The following SRPX2 variants were observed in gnomAD, a reference collection of about 807,000 sequenced individuals.
The protein encoded by SRPX2 is sushi repeat-containing protein SRPX2.
In SRPX2, 26 loss-of-function variants were observed where a neutral mutation model predicts 45.3. The ratio of observed to expected loss-of-function variants is 0.57; its 90% CI spans 0.42 to 0.80. The LOEUF is 0.80. Among genes scored for constraint, SRPX2 ranks in the 30% least tolerant of loss-of-function variants. The pLI is 0.00. For missense variants in SRPX2, 355 were observed against 399.8 expected, an observed-to-expected ratio of 0.89 and a Z score of 0.95; for synonymous variants, 125 against 143.7, an observed-to-expected ratio of 0.87 and a Z score of 0.93.
In SRPX2 at chrX:100,673,475, C is replaced by T. The variant is rs924199126; in HGVS notation, c.*2488C>T. The stretch of plus-strand genomic sequence containing the variant: ...CCAGACCCAAAGGGGCTAGCCCGAC[C>T]CCTGTATATATTGTACCTCTCTCTC... On this transcript the variant is annotated 3_prime_UTR_variant, in exon 11 of 11. Coordinates refer to ENST00000373004, the MANE Select transcript of SRPX2 (RefSeq NM_014467.3). 1.5e-4 allele frequency: 16 copies of T among 110,289 alleles called. No individual in the cohort carries two copies. The highest frequency in any genetic ancestry group is 5.3e-4 in the African/African-American group (16 of 30,238). The allele number at this position is 110,289 out of a possible 1,213,427, so 9.1% of individuals were successfully genotyped here.
At chrX:100,658,281 T>G (rs2083176986) in intron 3 of SRPX2, among the ~76,000 whole-genome samples, 1 of 112,022 alleles carries the variant, frequency 8.9e-6, no homozygotes, top group Non-Finnish European at 1.9e-5. Context: ...CTTGAGTAAA[T>G]TTTTGGATAT....
At chrX:100,653,103 G>A (rs2083158688) in intron 3 of SRPX2, among the ~76,000 whole-genome samples, 1 of 111,133 alleles carries the variant, frequency 9.0e-6, no homozygotes, top group African/African-American at 3.3e-5. Flanking sequence ...GAAAGGAGGT[G>A]GACTCTCTGG....
In SRPX2 at chrX:100,675,221, T is replaced by C. The variant is rs1296847624; in HGVS notation, c.*4234T>C. ...AAAATGCAGAAAATTCAGCATGGGC[T>C]GTGAGACACTTTACCCTCAGTCACT... On this transcript the variant is annotated 3_prime_UTR_variant, in exon 11 of 11. Transcript: ENST00000373004. 8.9e-6 allele frequency: 1 copy of C among 112,941 alleles called. No individual in the cohort carries two copies. The highest frequency in any genetic ancestry group is 1.9e-5 in the Non-Finnish European group (1 of 53,350). 9.3% of individuals were successfully genotyped at this position (112,941 alleles called of 1,213,427 possible).
At chrX:100,645,069 C>T (rs1177797285) in intron 1 of SRPX2, among the ~76,000 whole-genome samples, 1 of 111,880 alleles carries the variant, frequency 8.9e-6, no homozygotes, top group Non-Finnish European at 1.9e-5. Flanking sequence ...TCCTGCTTCC[C>T]TGTCACTTTC....
chrX:100,669,767 A>AT (rs1444277211), intron 10 of SRPX2, among the ~76,000 whole-genome samples: 1 of 18,389 alleles, frequency 5.4e-5, no homozygotes, highest in African/African-American at 1.2e-4. Flanking sequence ...AGCAAAAGCC[A>AT]TCTTTTTTTT....
intron 3 of SRPX2, among the ~76,000 whole-genome samples, chrX:100,653,182 T>C (rs1448318250): frequency 7.2e-5 from 8 of 111,549 alleles, no homozygotes; most frequent in South Asian, 3.9e-4. Context: ...CCTGAGCTGG[T>C]GGACTACATC....
intron 9 of SRPX2, 83 bp from the exon 10 acceptor site, chrX:100,669,165 T>C (rs1488782472): frequency 8.5e-7 from 1 of 1,175,576 alleles, no homozygotes; most frequent in Non-Finnish European, 1.2e-6. Flanking sequence ...CACTGCTTCA[T>C]ATGGTCCCAG....
intron 3 of SRPX2, among the ~76,000 whole-genome samples, chrX:100,656,782 G>A (rs1253973793): frequency 1.8e-5 from 2 of 111,926 alleles, no homozygotes; most frequent in South Asian, 3.7e-4. Context: ...ATAAACACAC[G>A]AATGCAGATC....
Position 100,671,581 on chromosome X carries a change from G to T in SRPX2, c.*594G>T. On this transcript the variant is annotated 3_prime_UTR_variant, in exon 11 of 11. Transcript: ENST00000373004. ...AGCCTCCCGAGAAGCTGGGACTACAGGCGCCCACCACCACACCCGGCTAAC... is the reference window on the plus strand; with the variant it reads ...AGCCTCCCGAGAAGCTGGGACTACATGCGCCCACCACCACACCCGGCTAAC... The T allele has an allele frequency of 8.5e-6, 1 of 117,626 alleles. No individual in the cohort carries two copies. The highest frequency in any genetic ancestry group is 2.6e-4 in the East Asian group (1 of 3,900). 9.7% of individuals were successfully genotyped at this position (117,626 alleles called of 1,213,427 possible). A position where few individuals can be genotyped will look rare whatever the true frequency, so the allele number is the denominator to read the frequency against.
chrX:100,653,078 C>T (rs1036572582), intron 3 of SRPX2, among the ~76,000 whole-genome samples: 3 of 111,055 alleles, frequency 2.7e-5, no homozygotes, highest in East Asian at 5.7e-4. Context: ...CAATTCTGGT[C>T]AGAGCTGAAA....
chrX:100,669,881 T>C (rs766895730), intron 10 of SRPX2, among the ~76,000 whole-genome samples: 10 of 106,822 alleles, frequency 9.4e-5, no homozygotes, highest in Non-Finnish European at 1.7e-4. Flanking sequence ...CAAGTGATTC[T>C]CCTGCCTCAG....
intron 2 of SRPX2, 33 bp downstream of exon 2, chrX:100,646,437 A>G: frequency 2.6e-6 from 3 of 1,141,966 alleles, no homozygotes; most frequent in Non-Finnish European, 3.6e-6. Context: ...TATTATTTCC[A>G]GGAAGGATAG....
At position 100,673,446 on chromosome X, in the gene SRPX2, A is replaced by C. The variant is rs2083237635; in HGVS notation, c.*2459A>C. Reference sequence around the variant, plus strand: ...GAGAGACAGCAGCAGAATATGACCCACAGCCAGACCCAAAGGGGCTAGCCC... The same window carrying C: ...GAGAGACAGCAGCAGAATATGACCCCCAGCCAGACCCAAAGGGGCTAGCCC... On this transcript the variant is annotated 3_prime_UTR_variant, in exon 11 of 11. Coordinates refer to ENST00000373004, the MANE Select transcript of SRPX2 (RefSeq NM_014467.3). 9.0e-6 allele frequency: 1 copy of C among 111,133 alleles called. No homozygotes were observed. The highest frequency in any genetic ancestry group is 9.6e-5 in the Admixed American group (1 of 10,453). The allele number at this position is 111,133 out of a possible 1,213,427, so 9.2% of individuals were successfully genotyped here. A position where few individuals can be genotyped will look rare whatever the true frequency, so the allele number is the denominator to read the frequency against.
intron 3 of SRPX2, among the ~76,000 whole-genome samples, chrX:100,655,107 C>T (rs974196479): frequency 2.7e-5 from 3 of 112,271 alleles, no homozygotes; most frequent in African/African-American, 9.7e-5. Context: ...TTCAAACCTC[C>T]GCTTCTCCCC....
intron 3 of SRPX2, 91 bp downstream of exon 3, chrX:100,650,956 A>C (rs2083151224): frequency 7.0e-6 from 5 of 715,548 alleles, no homozygotes; most frequent in Admixed American, 5.0e-5. Context: ...GGCTTGGCTC[A>C]CATGTGTCAA....
At chrX:100,649,830 A>G (rs137929174) in intron 2 of SRPX2, among the ~76,000 whole-genome samples, 1,702 of 112,014 alleles carry the variant, frequency 0.015, 32 homozygotes, top group African/African-American at 0.053. Context: ...GGAAATAGGG[A>G]ATTGTCTCTT....
chrX:100,649,614 C>A (rs1028497145), intron 2 of SRPX2: 2 of 112,415 alleles, frequency 1.8e-5, no homozygotes, highest in African/African-American at 6.5e-5. Flanking sequence ...GGACTGGTTT[C>A]CCAATACCTC....
chrX:100,669,796 C>A, intron 10 of SRPX2, among the ~76,000 whole-genome samples: 1 of 48,376 alleles, frequency 2.1e-5, no homozygotes, highest in South Asian at 1.4e-3. Flanking sequence ...TTTTGAGACA[C>A]AGTTTTGCTC....
Position 100,665,252 on chromosome X carries a change from C to G in SRPX2, c.542C>G (p.Pro181Arg), listed in dbSNP as rs769478434. ...TTTTTCATCTTGGCAGACATAGATC[C>G]CCCCAAGATCCGCTGTCCCCACTCA... ...GGEPVCVDID[P>R]PKIRCPHSRE... The change falls in exon 6 of 11, where the codon CCC (proline) becomes CGC (arginine). Residue 181 changes from proline (P) to arginine (R), a missense_variant. By Grantham distance (103) the Pro-to-Arg change is moderately radical. Coordinates refer to ENST00000373004, the MANE Select transcript of SRPX2 (RefSeq NM_014467.3). 24 of 1,209,567 alleles carry G rather than the reference C, an allele frequency of 2.0e-5. 1 individual carries two copies. The South Asian group carries it at 4.1e-4, about 21-fold the overall frequency.
Sources: gnomAD v4.1 joint callset for allele counts (sites outside exome capture counted in the v4.1 genomes callset) on GRCh38, gnomAD v4.1.1 for gene constraint, MANE v1.5 for transcripts, NCBI Gene and HGNC (gene_info 2026-07-23, HGNC 2026-07-21) for gene names.